The following DGKG variants were observed in gnomAD, a reference collection of about 807,000 sequenced individuals.
DGKG encodes DAG kinase gamma.
DGKG carries 78 observed loss-of-function variants against 105.3 expected under a neutral mutation model. That is an observed-to-expected ratio of 0.74 (90% CI 0.62 to 0.89). The LOEUF (loss-of-function observed/expected upper bound fraction) is 0.89, where lower values mean the gene tolerates loss of function less well. Ranked by LOEUF, DGKG falls within the 40% of genes least tolerant of loss-of-function variation. The pLI, the probability that DGKG is intolerant of heterozygous loss-of-function variation, is 0.00. For synonymous variants in DGKG, 346 were observed against 367.1 expected (o/e 0.94, Z 0.66); for missense variants, 958 against 1,020.1 (o/e 0.94, Z 0.83).
At chr3:186,205,030 G>A (rs1338934949) in intron 21 of DGKG, among the ~76,000 whole-genome samples, 3 of 152,090 alleles carry the variant, frequency 2.0e-5, no homozygotes, top group African/African-American at 7.2e-5. Context: ...GCCAAAGTGG[G>A]CTGATCACTT....
chr3:186,320,251 C>A, intron 2 of DGKG, 142 bp downstream of exon 2: 3 of 950,264 alleles, frequency 3.2e-6, no homozygotes, highest in East Asian at 5.3e-5. Context: ...TACACTAATT[C>A]TGTGTTTATA....
intron 22 of DGKG, among the ~76,000 whole-genome samples, chr3:186,186,400 A>G (rs1184019741): frequency 6.6e-6 from 1 of 152,182 alleles, no homozygotes; most frequent in Non-Finnish European, 1.5e-5. Context: ...GCCTGTAGCA[A>G]TGGTGTTCAA....
At chr3:186,329,931 G>C (rs539016569) in intron 1 of DGKG, among the ~76,000 whole-genome samples, 67 of 152,340 alleles carry the variant, frequency 4.4e-4, no homozygotes, top group African/African-American at 1.5e-3. Flanking sequence ...GGCAGAAAGA[G>C]TGTCCTGTCT....
rs920625957 is a variant in DGKG, at chr3:186,284,567, C to T, written c.594+93G>A. On this transcript the variant is annotated intron_variant, in intron 7 of 24. Transcript: ENST00000265022. The surrounding 1 kb of genome is among the most constrained non-coding windows in gnomAD (Gnocchi z 4.0). ...CGAGACATTGCTATTACTACAAAGA[C>T]GGAACTGAACATTTTCAGATTCTTC... 3.1e-5 allele frequency: 34 copies of T among 1,112,030 alleles called. No individual in the cohort carries two copies. Among genetic ancestry groups the T allele is most frequent in the Non-Finnish European group, 3.8e-5 (28 of 728,408 alleles). The allele number at this position is 1,112,030 out of a possible 1,614,324, so 68.9% of individuals were successfully genotyped here. A position where few individuals can be genotyped will look rare whatever the true frequency, so the allele number is the denominator to read the frequency against.
chr3:186,178,843 G>T (rs941232734), intron 22 of DGKG, among the ~76,000 whole-genome samples: 1 of 152,236 alleles, frequency 6.6e-6, no homozygotes, highest in East Asian at 1.9e-4. Flanking sequence ...AGAAAGAATT[G>T]TACGTTTGGA....
chr3:186,352,163 G>T (rs116406822), intron 1 of DGKG, among the ~76,000 whole-genome samples: 85 of 152,208 alleles, frequency 5.6e-4, no homozygotes, highest in African/African-American at 2.0e-3. Context: ...TTACAAATTT[G>T]TGAGCTCTAA....
At chr3:186,353,518 CA>C (rs1248956182) in intron 1 of DGKG, among the ~76,000 whole-genome samples, 18 of 130,126 alleles carry the variant, frequency 1.4e-4, no homozygotes, top group South Asian at 2.4e-4. Flanking sequence ...GATCCCATCT[CA>C]AAAAAAAAAG....
intron 19 of DGKG, 148 bp downstream of exon 19, chr3:186,251,611 C>A (rs1721229914): frequency 1.1e-5 from 9 of 806,824 alleles, no homozygotes; most frequent in Admixed American, 2.5e-5. Flanking sequence ...CACACTCAGG[C>A]CAAGTTTCAG....
chr3:186,285,423 T>C (rs1412889715), intron 6 of DGKG, among the ~76,000 whole-genome samples: 1 of 152,252 alleles, frequency 6.6e-6, no homozygotes. Context: ...AGCCATCTTT[T>C]CCTTTTTCTA....
chr3:186,305,812 G>A (rs61206858), intron 3 of DGKG, among the ~76,000 whole-genome samples: 2,570 of 152,270 alleles, frequency 0.017, 80 homozygotes, highest in African/African-American at 0.059. Context: ...AGAAGTTGAT[G>A]ATGACTGCAT....
chr3:186,317,306 T>C (rs1724864546), intron 2 of DGKG, among the ~76,000 whole-genome samples: 1 of 152,206 alleles, frequency 6.6e-6, no homozygotes, highest in Non-Finnish European at 1.5e-5. Flanking sequence ...TTTCCTAACA[T>C]TCCTACTGTC....
intron 21 of DGKG, among the ~76,000 whole-genome samples, chr3:186,196,727 A>G (rs1425123695): frequency 1.3e-5 from 2 of 152,216 alleles, no homozygotes; most frequent in Non-Finnish European, 2.9e-5. Context: ...ATGGGACATT[A>G]GAGATCATTC....
At chr3:186,348,720 G>C (rs890148842) in intron 1 of DGKG, among the ~76,000 whole-genome samples, 6 of 152,054 alleles carry the variant, frequency 3.9e-5, no homozygotes, top group Non-Finnish European at 7.4e-5. Flanking sequence ...CCAAGTGCTT[G>C]ATTTATAGGC....
intron 24 of DGKG, among the ~76,000 whole-genome samples, chr3:186,152,883 C>T (rs1294793760): frequency 1.3e-5 from 2 of 151,496 alleles, no homozygotes; most frequent in African/African-American, 2.4e-5. Context: ...AGGATGGTCT[C>T]GATCTCCTGA....
chr3:186,223,033 A>ATATATATATATATATC (rs1168287109), intron 20 of DGKG, among the ~76,000 whole-genome samples: 1 of 132,392 alleles, frequency 7.6e-6, no homozygotes, highest in Non-Finnish European at 1.6e-5. Context: ...ATATATATAT[A>ATATATATATATATATC]TGTCTCATGA....
At chr3:186,260,028 G>A (rs1390985189) in intron 16 of DGKG, among the ~76,000 whole-genome samples, 1 of 152,192 alleles carries the variant, frequency 6.6e-6, no homozygotes, top group Non-Finnish European at 1.5e-5. Context: ...CTGAGTCACT[G>A]TCTAGATTTC....
At chr3:186,255,421 G>C (rs1239616760) in intron 17 of DGKG, among the ~76,000 whole-genome samples, 1 of 152,240 alleles carries the variant, frequency 6.6e-6, no homozygotes, top group African/African-American at 2.4e-5. Flanking sequence ...GACTGAGGCT[G>C]GTGGGTGTGT....
chr3:186,170,905 A>G (rs1458561951), intron 22 of DGKG, among the ~76,000 whole-genome samples: 5 of 152,240 alleles, frequency 3.3e-5, no homozygotes, highest in Non-Finnish European at 5.9e-5. Flanking sequence ...CTTGACACTG[A>G]TGAGTAAATG....
Position 186,210,588 on chromosome 3 carries a change from C to T in DGKG, c.1917+1207G>A. On this transcript the variant is annotated intron_variant, in intron 21 of 24. Transcript: ENST00000265022. The surrounding 1 kb of genome is among the most constrained non-coding windows in gnomAD (Gnocchi z 5.2). Reference sequence around the variant, plus strand: ...AGTCAAATGCAGCCGCACAGAACCTCTGGCTTCGTGTTTTGTTTGTGAAAA... The same window carrying T: ...AGTCAAATGCAGCCGCACAGAACCTTTGGCTTCGTGTTTTGTTTGTGAAAA... 2.2e-6 allele frequency: 1 copy of T among 454,232 alleles called. No individual in the cohort carries two copies. The highest frequency in any genetic ancestry group is 4.4e-6 in the Non-Finnish European group (1 of 226,718). 28.1% of individuals were successfully genotyped at this position (454,232 alleles called of 1,614,324 possible).
Sources: allele counts gnomAD v4.1 joint callset (sites outside exome capture counted in the v4.1 genomes callset), GRCh38; gene constraint gnomAD v4.1.1; non-coding constraint Gnocchi (gnomAD v3.1); transcripts MANE v1.5; gene names NCBI Gene and HGNC (gene_info 2026-07-23, HGNC 2026-07-21).